Variants in STPG2 observed in about 807,000 individuals in gnomAD.
STPG2 encodes the protein sperm tail PG-rich repeat containing 2.
A neutral mutation model predicts 54.2 loss-of-function variants in STPG2; 56 were observed. The observed-to-expected ratio is 1.03, with a 90% CI of 0.83 to 1.29. The LOEUF is 1.29. Among genes scored for constraint, STPG2 ranks in the 50% most tolerant of loss-of-function variants. STPG2 has a pLI of 0.00. For missense variants in STPG2, 596 were observed against 544.9 expected, an observed-to-expected ratio of 1.09 and a Z score of -0.93; for synonymous variants, 200 against 181.8, an observed-to-expected ratio of 1.10 and a Z score of -0.81.
chr4:97,693,315 CATAAACTTAAGGTAAAAGGGTAGAAAA>C (rs1157891735), intron 10 of STPG2, among the ~76,000 whole-genome samples: 1 of 151,872 alleles, frequency 6.6e-6, no homozygotes, highest in Non-Finnish European at 1.5e-5. Flanking sequence ...TAAGGACTCA[CATAAACTTAAGGTAAAAGGGTAGAAAA>C]AGGTATCCCA....
chr4:97,509,105 A>C (rs537071845), intron 4 of STPG2, among the ~76,000 whole-genome samples: 5 of 152,234 alleles, frequency 3.3e-5, no homozygotes, highest in African/African-American at 1.2e-4. Context: ...TGTTAGGCCC[A>C]ATCTGGCCCC....
intron 10 of STPG2, among the ~76,000 whole-genome samples, chr4:97,587,642 G>A (rs1177988346): frequency 6.6e-6 from 1 of 151,914 alleles, no homozygotes; most frequent in Non-Finnish European, 1.5e-5. Context: ...ATCTGTAGAA[G>A]TTTGGAAGTA....
chr4:98,058,040 A>G (rs2110096079), intron 5 of STPG2, among the ~76,000 whole-genome samples: 1 of 152,328 alleles, frequency 6.6e-6, no homozygotes, highest in South Asian at 2.1e-4. Flanking sequence ...GCCTTACAAG[A>G]GTACCCAAAG....
At chr4:97,781,415 G>T (rs1001888026) in intron 9 of STPG2, among the ~76,000 whole-genome samples, 1 of 152,036 alleles carries the variant, frequency 6.6e-6, no homozygotes, top group Admixed American at 6.5e-5. Context: ...CCAATAACAG[G>T]CTCTGAAATT....
chr4:97,680,200 C>A (rs1402196831), intron 10 of STPG2, among the ~76,000 whole-genome samples: 2 of 151,486 alleles, frequency 1.3e-5, no homozygotes, highest in Non-Finnish European at 2.9e-5. Context: ...GGCATTGAAT[C>A]TGTAAATTAC....
At chr4:97,802,328 T>C (rs1230323702) in intron 9 of STPG2, among the ~76,000 whole-genome samples, 1 of 152,190 alleles carries the variant, frequency 6.6e-6, no homozygotes, top group African/African-American at 2.4e-5. Flanking sequence ...CATTCTCCCA[T>C]GAGTCTCAAA....
At chr4:97,877,026 A>G (rs1382512651) in intron 8 of STPG2, among the ~76,000 whole-genome samples, 1 of 152,182 alleles carries the variant, frequency 6.6e-6, no homozygotes, top group Non-Finnish European at 1.5e-5. Context: ...ATCTATGTAT[A>G]CATTGTAGAA....
chr4:97,936,157 T>C (rs1438089001), intron 8 of STPG2, among the ~76,000 whole-genome samples: 1 of 152,202 alleles, frequency 6.6e-6, no homozygotes, highest in Non-Finnish European at 1.5e-5. Flanking sequence ...TTTTTACCTT[T>C]GTTGGCTTTA....
chr4:97,742,831 C>A (rs1725305978), intron 9 of STPG2, among the ~76,000 whole-genome samples: 1 of 151,396 alleles, frequency 6.6e-6, no homozygotes, highest in African/African-American at 2.4e-5. Flanking sequence ...TTCTAGAGAT[C>A]TCAAGTACAG....
chr4:97,838,273 T>C (rs1219355395), intron 9 of STPG2, among the ~76,000 whole-genome samples: 1 of 151,356 alleles, frequency 6.6e-6, no homozygotes, highest in African/African-American at 2.4e-5. Flanking sequence ...ACTAAGAACA[T>C]TATGATATGA....
At chr4:97,515,446 G>A (rs2148843558) in intron 4 of STPG2, among the ~76,000 whole-genome samples, 1 of 152,162 alleles carries the variant, frequency 6.6e-6, no homozygotes, top group East Asian at 1.9e-4. Context: ...TGGGTGCTTA[G>A]AGTGGGAAAG....
chr4:98,122,539 C>T (rs1026770058), intron 3 of STPG2, among the ~76,000 whole-genome samples: 4 of 151,786 alleles, frequency 2.6e-5, no homozygotes, highest in Non-Finnish European at 5.9e-5. Context: ...GCAACTTGAT[C>T]ATGGTGGATA....
intron 9 of STPG2, among the ~76,000 whole-genome samples, chr4:97,741,258 C>T (rs1334782862): frequency 6.6e-6 from 1 of 152,090 alleles, no homozygotes. Flanking sequence ...ACCATAAAAA[C>T]CCTAGAAGAA....
Position 97,944,113 on chromosome 4 carries a change from T to C in STPG2, c.934-106A>G. On this transcript the variant is annotated intron_variant, in intron 7 of 10. Transcript: ENST00000295268. ...GAAGTTCATCAGTATTATCTGGCAT[T>C]AAATAAAGACACATATTCATAAACA... The C allele has an allele frequency of 8.3e-6, 6 of 720,244 alleles. 1 individual carries two copies. The highest frequency in any genetic ancestry group is 2.7e-5 in the Admixed American group (1 of 36,574). 44.6% of individuals were successfully genotyped at this position (720,244 alleles called of 1,614,324 possible). A position where few individuals can be genotyped will look rare whatever the true frequency, so the allele number is the denominator to read the frequency against.
downstream of STPG2, among the ~76,000 whole-genome samples, chr4:97,555,495 TAA>T (rs1316994964): frequency 6.6e-6 from 1 of 152,122 alleles, no homozygotes; most frequent in Non-Finnish European, 1.5e-5. Context: ...ATTACCATGT[TAA>T]GTTTTCTTCC....
chr4:97,962,411 G>A (rs1322941121), intron 7 of STPG2, among the ~76,000 whole-genome samples: 2 of 152,010 alleles, frequency 1.3e-5, no homozygotes, highest in East Asian at 3.9e-4. Context: ...ACATAAAATA[G>A]TGTAATACGT....
chr4:97,671,383 G>C (rs925546909), intron 10 of STPG2, among the ~76,000 whole-genome samples: 1 of 152,176 alleles, frequency 6.6e-6, no homozygotes, highest in African/African-American at 2.4e-5. Context: ...ACTTACATAT[G>C]TAGGCCTCGT....
chr4:97,726,013 G>T (rs1724612836), intron 9 of STPG2, among the ~76,000 whole-genome samples: 1 of 151,714 alleles, frequency 6.6e-6, no homozygotes, highest in Admixed American at 6.6e-5. Flanking sequence ...AAAAAAGTAA[G>T]ATCAAAAGGA....
chr4:97,483,408 C>G (rs1730272962), intron 4 of STPG2, among the ~76,000 whole-genome samples: 1 of 151,586 alleles, frequency 6.6e-6, no homozygotes, highest in Admixed American at 6.6e-5. Context: ...ACACTGAAAG[C>G]CAGCAAGGGT....
Sources: gnomAD v4.1 joint callset for allele counts (sites outside exome capture counted in the v4.1 genomes callset) on GRCh38, gnomAD v4.1.1 for gene constraint, MANE v1.5 for transcripts, NCBI Gene and HGNC (gene_info 2026-07-23, HGNC 2026-07-21) for gene names.